The following ADGRL3 variants were observed in gnomAD, a reference collection of about 807,000 sequenced individuals.
ADGRL3 encodes the protein calcium-independent alpha-latrotoxin receptor 3.
A neutral mutation model predicts 153.5 loss-of-function variants in ADGRL3; 62 were observed. The observed-to-expected ratio is 0.40, with a 90% CI of 0.33 to 0.50. The LOEUF is 0.50. ADGRL3 is among the 20% of genes least tolerant of loss of function. The pLI, the probability that ADGRL3 is intolerant of heterozygous loss-of-function variation, is 0.47. For missense variants in ADGRL3, 1,641 were observed against 1,859.4 expected (o/e 0.88, Z 2.16); for synonymous variants, 710 against 672.5 (o/e 1.06, Z -0.86).
intron 17 of ADGRL3, among the ~76,000 whole-genome samples, chr4:61,969,222 G>A (rs1387820868): frequency 1.3e-5 from 2 of 152,102 alleles, no homozygotes; most frequent in Non-Finnish European, 2.9e-5. Flanking sequence ...AAATGATAAT[G>A]AATGTTTATT....
Position 61,366,991 on chromosome 4 carries a change from T to C in ADGRL3, c.-239-16133T>C, listed in dbSNP as rs146847781. 5.5e-3 allele frequency among the ~76,000 whole-genome samples: 833 copies of C among 152,270 alleles called. 8 individuals are homozygous for C. The highest frequency in any genetic ancestry group is 0.019 in the African/African-American group (790 of 41,568). On this transcript the variant is annotated intron_variant, in intron 1 of 26. Coordinates refer to ENST00000683033, the MANE Select transcript of ADGRL3 (RefSeq NM_001387552.1). ...GCTCTTTCTTTGTTTATTAGATTGATTATAGAATGAAAATGATTGTAAACA... is the reference window on the plus strand; with the variant it reads ...GCTCTTTCTTTGTTTATTAGATTGACTATAGAATGAAAATGATTGTAAACA...
At chr4:61,220,267 A>G (rs940061478) in intron 1 of ADGRL3, among the ~76,000 whole-genome samples, 13 of 152,166 alleles carry the variant, frequency 8.5e-5, no homozygotes, top group African/African-American at 2.2e-4. Flanking sequence ...GAAACGTCAT[A>G]CGTGAAATGT....
chr4:61,353,364 C>T (rs2096091647), intron 1 of ADGRL3, among the ~76,000 whole-genome samples: 1 of 151,982 alleles, frequency 6.6e-6, no homozygotes, highest in African/African-American at 2.4e-5. Context: ...ATACTCTTTC[C>T]ATTTTTAAGA....
At chr4:61,527,095 A>G (rs920644264) in intron 4 of ADGRL3, among the ~76,000 whole-genome samples, 5 of 152,076 alleles carry the variant, frequency 3.3e-5, no homozygotes, top group Admixed American at 1.3e-4. Flanking sequence ...ATTTCTGCCA[A>G]GAAGTAAATA....
At chr4:61,595,497 G>T (rs748602795) in intron 5 of ADGRL3, among the ~76,000 whole-genome samples, 1 of 152,028 alleles carries the variant, frequency 6.6e-6, no homozygotes, top group Non-Finnish European at 1.5e-5. Context: ...GATTCTGCCC[G>T]GCGCCCTATC....
intron 7 of ADGRL3, among the ~76,000 whole-genome samples, chr4:61,732,074 G>T (rs2096452550): frequency 6.6e-6 from 1 of 152,034 alleles, no homozygotes; most frequent in African/African-American, 2.4e-5. Context: ...TAGATCTTGG[G>T]TTCTTTTCTG....
At chr4:61,851,618 G>C (rs188258190) in intron 9 of ADGRL3, among the ~76,000 whole-genome samples, 41 of 146,562 alleles carry the variant, frequency 2.8e-4, no homozygotes, top group Middle Eastern at 7.0e-3. Context: ...AAAAAAAATT[G>C]AGGCTTTTGA....
intron 1 of ADGRL3, among the ~76,000 whole-genome samples, chr4:61,231,044 A>C (rs1478075077): frequency 1.3e-5 from 2 of 152,158 alleles, no homozygotes; most frequent in Admixed American, 6.5e-5. Context: ...GTGGCCCTGT[A>C]ACATACCACT....
chr4:61,868,407 C>A (rs1036134373), intron 9 of ADGRL3, among the ~76,000 whole-genome samples: 6 of 151,144 alleles, frequency 4.0e-5, no homozygotes, highest in Non-Finnish European at 7.4e-5. Context: ...AACTCTAGCA[C>A]CTTTGACTAG....
chr4:61,590,547 C>T (rs904065309), intron 5 of ADGRL3, among the ~76,000 whole-genome samples: 13 of 152,068 alleles, frequency 8.5e-5, no homozygotes, highest in Non-Finnish European at 1.8e-4. Flanking sequence ...AAGTTTACAA[C>T]GTGCAGTTTA....
intron 8 of ADGRL3, among the ~76,000 whole-genome samples, chr4:61,805,040 C>G (rs1485205853): frequency 6.6e-6 from 1 of 151,670 alleles, no homozygotes; most frequent in Non-Finnish European, 1.5e-5. Flanking sequence ...ACTGCAACCT[C>G]CACCTCCCGG....
intron 2 of ADGRL3, among the ~76,000 whole-genome samples, chr4:61,474,865 T>C (rs575646077): frequency 1.3e-5 from 2 of 152,278 alleles, no homozygotes; most frequent in East Asian, 1.9e-4. Flanking sequence ...CTTCCAAAGA[T>C]AAATCATTTC....
At chr4:61,768,926 T>C (rs961274844) in intron 8 of ADGRL3, among the ~76,000 whole-genome samples, 7 of 150,396 alleles carry the variant, frequency 4.7e-5, no homozygotes, top group Non-Finnish European at 1.0e-4. Flanking sequence ...GATAAGAGGT[T>C]GGGGTGTGGA....
At chr4:61,678,637 C>T (rs2095265315) in intron 6 of ADGRL3, among the ~76,000 whole-genome samples, 1 of 151,866 alleles carries the variant, frequency 6.6e-6, no homozygotes, top group Non-Finnish European at 1.5e-5. Flanking sequence ...TCCTTAATGT[C>T]CTACATTTAG....
At chr4:61,831,605 C>G (rs149392310) in intron 9 of ADGRL3, among the ~76,000 whole-genome samples, 1 of 152,024 alleles carries the variant, frequency 6.6e-6, no homozygotes, top group East Asian at 1.9e-4. Flanking sequence ...AGATTTACTC[C>G]CAGTGGACAC....
chr4:62,057,540 A>G (rs1260776310), intron 25 of ADGRL3, among the ~76,000 whole-genome samples: 1 of 152,198 alleles, frequency 6.6e-6, no homozygotes, highest in African/African-American at 2.4e-5. Flanking sequence ...TATGTGGTAA[A>G]GAAACTTCTC....
At chr4:62,061,235 A>C in intron 25 of ADGRL3, among the ~76,000 whole-genome samples, 1 of 152,008 alleles carries the variant, frequency 6.6e-6, no homozygotes, top group East Asian at 1.9e-4. Context: ...GGATTGCTAA[A>C]GTGCTGAGAT....
Position 61,446,153 on chromosome 4 carries a change from C to T in ADGRL3, c.-173-50968C>T, listed in dbSNP as rs139652657. Among the ~76,000 whole-genome samples the T allele has an allele frequency of 9.0e-3, 1,376 of 152,170 alleles. 29 individuals are homozygous for T. Among genetic ancestry groups the T allele is most frequent in the Non-Finnish European group, 8.8e-3 (601 of 68,010 alleles). Reference sequence around the variant, plus strand: ...GCATGACTGTAAATATGAGCTCTGCCCTGGACATATGTGTGTATATATCTC... The same window carrying T: ...GCATGACTGTAAATATGAGCTCTGCTCTGGACATATGTGTGTATATATCTC... On this transcript the variant is annotated intron_variant, in intron 2 of 26. Transcript: ENST00000683033.
rs569701719 is a variant in ADGRL3, at chr4:61,691,194, C to T, written c.583+14259C>T. Reference sequence around the variant, plus strand: ...TAACACACAATTTGAGAATTTATGACGAATTATAGTACTTGATCAAATCTT... The same window carrying T: ...TAACACACAATTTGAGAATTTATGATGAATTATAGTACTTGATCAAATCTT... On this transcript the variant is annotated intron_variant, in intron 6 of 26. Coordinates refer to ENST00000683033, the MANE Select transcript of ADGRL3 (RefSeq NM_001387552.1). Among the ~76,000 whole-genome samples, 338 of 152,252 alleles carry T rather than the reference C, an allele frequency of 2.2e-3. 1 individual carries two copies. Among genetic ancestry groups the T allele is most frequent in the Non-Finnish European group, 4.0e-3 (271 of 68,006 alleles).
Sources: gnomAD v4.1 joint callset for allele counts (sites outside exome capture counted in the v4.1 genomes callset) on GRCh38, gnomAD v4.1.1 for gene constraint, MANE v1.5 for transcripts, NCBI Gene and HGNC (gene_info 2026-07-23, HGNC 2026-07-21) for gene names.